Variants in RABGAP1L observed in about 807,000 individuals in gnomAD.
RABGAP1L encodes the protein RAB GTPase activating protein 1 like.
Under a neutral mutation model 137.7 loss-of-function variants are expected in RABGAP1L, and 63 were observed. The observed-to-expected ratio is 0.46, with a 90% CI of 0.37 to 0.56. RABGAP1L has a LOEUF of 0.56. Ranked by LOEUF, RABGAP1L falls within the 20% of genes least tolerant of loss-of-function variation. The pLI is 0.00. For missense variants in RABGAP1L, 1,095 were observed against 1,244.0 expected (o/e 0.88, Z 1.80); for synonymous variants, 431 against 433.7 (o/e 0.99, Z 0.08).
intron 11 of RABGAP1L, among the ~76,000 whole-genome samples, chr1:174,342,698 A>G (rs1352529785): frequency 2.6e-5 from 4 of 151,096 alleles, no homozygotes; most frequent in Non-Finnish European, 5.9e-5. Context: ...TGTAAAATGG[A>G]CCATTCCTCT....
chr1:174,875,092 TTA>T, intron 19 of RABGAP1L, among the ~76,000 whole-genome samples: 1 of 152,334 alleles, frequency 6.6e-6, no homozygotes, highest in Non-Finnish European at 1.5e-5. Context: ...CTGTTGAAGG[TTA>T]TAAATTATAG....
rs749830161 is a variant in RABGAP1L, at chr1:174,241,602, C to T, written c.662C>T (p.Ser221Phe). ...AATTGCTTTGCATTTACAGAGAGTT[C>T]CCATGGTTCGGAAGAATTTCAGATA... ...ESNCFAFTES[S>F]HGSEEFQIHV... The change falls in exon 5 of 26, where the codon TCC becomes TTC. Residue 221 changes from serine to phenylalanine, a missense_variant. Transcript: ENST00000681986. 6.2e-7 allele frequency: 1 copy of T among 1,613,782 alleles called. No individual in the cohort carries two copies. Among genetic ancestry groups the T allele is most frequent in the Non-Finnish European group, 8.5e-7 (1 of 1,179,898 alleles).
At chr1:174,604,352 A>G (rs1180788702) in intron 13 of RABGAP1L, among the ~76,000 whole-genome samples, 3 of 152,156 alleles carry the variant, frequency 2.0e-5, no homozygotes, top group Non-Finnish European at 4.4e-5. Context: ...AAGTCCCACA[A>G]TCACTGTCCT....
chr1:174,226,382 G>A (rs1003626189), intron 3 of RABGAP1L, among the ~76,000 whole-genome samples: 5 of 152,120 alleles, frequency 3.3e-5, no homozygotes, highest in African/African-American at 9.7e-5. Context: ...GCAACATAGC[G>A]AAACCCAATC....
Position 174,702,205 on chromosome 1 carries a change from C to A in RABGAP1L, c.2118C>A (p.Ala706=). The stretch of plus-strand genomic sequence containing the variant: ...AGTGGTTTCTCACTCTTTTTACTGC[C>A]AAGTTCCCACTCTGCATGGTGTTCC... ...ASQWFLTLFT[A]KFPLCMVFHI... is the part of the protein sequence containing the mutation. The change falls in exon 17 of 26, where the codon GCC becomes GCA. Residue 706 remains alanine, a synonymous_variant. Coordinates refer to ENST00000681986, the MANE Select transcript of RABGAP1L (RefSeq NM_001366446.1). 2 of 1,612,334 alleles carry A rather than the reference C, an allele frequency of 1.2e-6. No individual in the cohort carries two copies. Among genetic ancestry groups the A allele is most frequent in the Non-Finnish European group, 1.7e-6 (2 of 1,178,992 alleles).
intron 17 of RABGAP1L, among the ~76,000 whole-genome samples, chr1:174,725,851 T>C (rs1469879636): frequency 6.6e-6 from 1 of 151,894 alleles, no homozygotes; most frequent in Non-Finnish European, 1.5e-5. Context: ...GGGGGAGGGA[T>C]AGCACTGGGA....
chr1:174,910,545 G>A lies in RABGAP1L; in HGVS notation c.2341-46912G>A, dbSNP rs146815420. ...TACCACTTTTTTTCAACGTAACAGT[G>A]GAAGTCCTGGCCACAGCAATTAGGC... On this transcript the variant is annotated intron_variant, in intron 19 of 25. Transcript: ENST00000681986. Among the ~76,000 whole-genome samples, 45 of 152,162 alleles carry A rather than the reference G, an allele frequency of 3.0e-4. 1 individual carries two copies. The East Asian group carries it at 8.3e-3, about 28-fold the overall frequency.
intron 18 of RABGAP1L, among the ~76,000 whole-genome samples, chr1:174,774,259 T>A (rs1422210926): frequency 6.6e-6 from 1 of 152,194 alleles, no homozygotes; most frequent in Non-Finnish European, 1.5e-5. Flanking sequence ...GAATTTAGAA[T>A]AAAGTCATTT....
chr1:174,832,673 G>A (rs1438124832), intron 19 of RABGAP1L, among the ~76,000 whole-genome samples: 2 of 151,778 alleles, frequency 1.3e-5, no homozygotes, highest in Non-Finnish European at 2.9e-5. Context: ...GCTGACAGTG[G>A]GCACACCCAC....
intron 13 of RABGAP1L, among the ~76,000 whole-genome samples, chr1:174,520,048 C>G (rs1266844557): frequency 2.0e-5 from 3 of 152,186 alleles, no homozygotes; most frequent in Admixed American, 2.0e-4. Flanking sequence ...AACACAATGC[C>G]AGCACTGCAT....
intron 13 of RABGAP1L, among the ~76,000 whole-genome samples, chr1:174,597,038 A>C (rs886961956): frequency 6.6e-6 from 1 of 152,136 alleles, no homozygotes; most frequent in African/African-American, 2.4e-5. Context: ...GCATATGTTG[A>C]ACCATCCTTA....
At chr1:174,781,764 C>T (rs1305037121) in intron 18 of RABGAP1L, among the ~76,000 whole-genome samples, 2 of 152,262 alleles carry the variant, frequency 1.3e-5, no homozygotes, top group Non-Finnish European at 2.9e-5. Context: ...GGAAGGGATC[C>T]AGTTTCAGGT....
intron 13 of RABGAP1L, among the ~76,000 whole-genome samples, chr1:174,563,267 G>T (rs1323396721): frequency 6.6e-6 from 1 of 152,142 alleles, no homozygotes; most frequent in Non-Finnish European, 1.5e-5. Context: ...GGTTTTATGT[G>T]AAAGCTTTGA....
At chr1:174,887,160 C>G (rs767303021) in intron 19 of RABGAP1L, among the ~76,000 whole-genome samples, 3 of 152,144 alleles carry the variant, frequency 2.0e-5, no homozygotes, top group Non-Finnish European at 2.9e-5. Context: ...AAGGCCACTT[C>G]CAACATCCTG....
intron 18 of RABGAP1L, among the ~76,000 whole-genome samples, chr1:174,799,599 A>T (rs532526045): frequency 2.0e-5 from 3 of 152,064 alleles, no homozygotes; most frequent in South Asian, 4.1e-4. Context: ...CACTGATTGA[A>T]GGTAGACTGG....
intron 19 of RABGAP1L, among the ~76,000 whole-genome samples, chr1:174,823,248 G>A (rs907831983): frequency 3.3e-5 from 5 of 151,900 alleles, no homozygotes; most frequent in African/African-American, 1.2e-4. Flanking sequence ...TCCATATTTT[G>A]TTTACCTTTC....
chr1:174,227,462 A>G (rs903700102), intron 3 of RABGAP1L, among the ~76,000 whole-genome samples: 3 of 151,846 alleles, frequency 2.0e-5, no homozygotes, highest in Non-Finnish European at 2.9e-5. Flanking sequence ...GGGCCTACCA[A>G]AGTGCTGGGA....
chr1:174,616,108 A>G (rs1671828791), intron 13 of RABGAP1L, among the ~76,000 whole-genome samples: 1 of 152,210 alleles, frequency 6.6e-6, no homozygotes, highest in Admixed American at 6.5e-5. Context: ...ACTGTCTGGC[A>G]CTCCCTAGTG....
chr1:174,677,668 T>C (rs767315783), intron 14 of RABGAP1L, among the ~76,000 whole-genome samples: 2 of 152,206 alleles, frequency 1.3e-5, no homozygotes, highest in Admixed American at 6.5e-5. Context: ...CTGAACTCTA[T>C]TGGGTTGACA....
Sources: allele counts gnomAD v4.1 joint callset (sites outside exome capture counted in the v4.1 genomes callset), GRCh38; gene constraint gnomAD v4.1.1; transcripts MANE v1.5; gene names NCBI Gene and HGNC (gene_info 2026-07-23, HGNC 2026-07-21).